Variants in TC2N observed in about 807,000 individuals in gnomAD.
The protein encoded by TC2N is tandem C2 domains nuclear protein.
Under a neutral mutation model 61.9 loss-of-function variants are expected in TC2N, and 51 were observed. The ratio of observed to expected loss-of-function variants is 0.82; its 90% CI spans 0.66 to 1.04. TC2N has a LOEUF of 1.04. TC2N is among the 50% of genes least tolerant of loss of function. The probability of loss-of-function intolerance (pLI) is 0.00; values close to 1 mark genes in which losing one functional copy is unlikely to be tolerated. For synonymous variants in TC2N, 204 were observed against 192.6 expected (o/e 1.06, Z -0.49); for missense variants, 556 against 566.7 (o/e 0.98, Z 0.19).
At chr14:91,832,304 C>T (rs1417971839) in intron 1 of TC2N, among the ~76,000 whole-genome samples, 2 of 151,326 alleles carry the variant, frequency 1.3e-5, no homozygotes, top group Non-Finnish European at 2.9e-5. Flanking sequence ...ACAGGAGAAT[C>T]GCTTGAACCC....
intron 9 of TC2N, 133 bp from the exon 10 acceptor site, chr14:91,787,760 A>G: frequency 1.7e-6 from 1 of 586,496 alleles, no homozygotes; most frequent in Non-Finnish European, 3.0e-6. Flanking sequence ...ACTATAAGTT[A>G]CAAGACAAAG....
chr14:91,847,430 C>T (rs1379210691), intron 1 of TC2N, among the ~76,000 whole-genome samples: 1 of 152,162 alleles, frequency 6.6e-6, no homozygotes, highest in African/African-American at 2.4e-5. Context: ...TATGTGATGG[C>T]CAATGCTAGG....
intron 5 of TC2N, among the ~76,000 whole-genome samples, chr14:91,799,765 G>A (rs765051276): frequency 9.2e-5 from 14 of 151,968 alleles, no homozygotes; most frequent in Non-Finnish European, 1.8e-4. Context: ...GGAAATATGG[G>A]AATTTGTCTT....
intron 10 of TC2N, 25 bp downstream of exon 10, chr14:91,787,488 T>C: frequency 7.3e-7 from 1 of 1,366,460 alleles, no homozygotes; most frequent in Non-Finnish European, 1.0e-6. Flanking sequence ...CTGAAGATTC[T>C]ACTTTGAACC....
intron 1 of TC2N, among the ~76,000 whole-genome samples, chr14:91,855,395 C>T (rs1168169670): frequency 2.0e-5 from 3 of 152,176 alleles, no homozygotes; most frequent in African/African-American, 4.8e-5. Context: ...GGGGAGAATC[C>T]TTCCCTGCCT....
intron 1 of TC2N, among the ~76,000 whole-genome samples, chr14:91,824,372 C>T (rs528677256): frequency 1.3e-5 from 2 of 152,296 alleles, no homozygotes; most frequent in East Asian, 3.9e-4. Flanking sequence ...GCTGGTCTGA[C>T]ATAGTCTAGG....
chr14:91,809,338 A>C (rs1886662596), intron 3 of TC2N, among the ~76,000 whole-genome samples: 1 of 152,028 alleles, frequency 6.6e-6, no homozygotes, highest in Admixed American at 6.6e-5. Context: ...AACACAGGAG[A>C]TGGAGGCTGC....
intron 2 of TC2N, among the ~76,000 whole-genome samples, chr14:91,813,091 TAAAAAAG>T (rs1002359665): frequency 3.3e-5 from 5 of 151,656 alleles, no homozygotes; most frequent in Non-Finnish European, 5.9e-5. Context: ...TGTTTTAATG[TAAAAAAG>T]AAGGCTTCAT....
chr14:91,784,427 G>A (rs1885266066), intron 11 of TC2N, among the ~76,000 whole-genome samples: 1 of 152,082 alleles, frequency 6.6e-6, no homozygotes, highest in East Asian at 1.9e-4. Context: ...TGATATCAAT[G>A]TTTGAAAATT....
intron 5 of TC2N, among the ~76,000 whole-genome samples, chr14:91,799,524 G>C (rs926491563): frequency 2.6e-5 from 4 of 152,024 alleles, no homozygotes; most frequent in Admixed American, 1.3e-4. Flanking sequence ...AGAACTCTGA[G>C]GATGAAGCCT....
At chr14:91,846,205 C>T (rs1286773911) in intron 1 of TC2N, among the ~76,000 whole-genome samples, 1 of 152,162 alleles carries the variant, frequency 6.6e-6, no homozygotes, top group Non-Finnish European at 1.5e-5. Flanking sequence ...CATTGCTCTC[C>T]AACTGCCCTC....
chr14:91,817,441 C>T (rs1308439809), intron 1 of TC2N, among the ~76,000 whole-genome samples: 2 of 151,726 alleles, frequency 1.3e-5, no homozygotes, highest in Non-Finnish European at 2.9e-5. Context: ...AAAAGTTTAA[C>T]ATTTTTCTTA....
chr14:91,783,796 T>G (rs1885235395), intron 11 of TC2N, among the ~76,000 whole-genome samples: 1 of 152,154 alleles, frequency 6.6e-6, no homozygotes, highest in Non-Finnish European at 1.5e-5. Context: ...TATATTATTA[T>G]GAAGACAAGG....
chr14:91,829,326 A>C (rs534417007), intron 1 of TC2N, among the ~76,000 whole-genome samples: 2 of 151,122 alleles, frequency 1.3e-5, no homozygotes, highest in East Asian at 3.9e-4. Context: ...ATAATTCCTC[A>C]CTCTGATCAC....
Position 91,839,835 on chromosome 14 carries a change from A to G in TC2N, c.-56-26010T>C, listed in dbSNP as rs779106956. Among the ~76,000 whole-genome samples the G allele has an allele frequency of 1.4e-4, 22 of 152,330 alleles. No homozygotes were observed. The Middle Eastern group carries it at 0.01, about 71-fold the overall frequency. ...CCATGTAACAGGTGCAGTACTAGGC[A>G]CTTGCTTCAGAGAGGAAGTGACATT... On this transcript the variant is annotated intron_variant, in intron 1 of 11. Transcript: ENST00000435962.
At chr14:91,790,346 C>T (rs1487125727) in intron 9 of TC2N, among the ~76,000 whole-genome samples, 3 of 152,160 alleles carry the variant, frequency 2.0e-5, no homozygotes, top group Non-Finnish European at 4.4e-5. Context: ...GAAAGTACGG[C>T]TCTTTAGACA....
At chr14:91,844,742 C>A (rs1435879977) in intron 1 of TC2N, among the ~76,000 whole-genome samples, 1 of 121,920 alleles carries the variant, frequency 8.2e-6, no homozygotes. Context: ...GCCTGGGCGA[C>A]AGAGCGAGAC....
At chr14:91,797,926 G>T in intron 7 of TC2N, 25 bp from the exon 8 acceptor site, 2 of 1,362,680 alleles carry the variant, frequency 1.5e-6, no homozygotes, top group Non-Finnish European at 2.1e-6. Flanking sequence ...AATACAGTTT[G>T]AATTTTACAA....
intron 1 of TC2N, chr14:91,866,480 C>G (rs993207252): frequency 1.1e-4 from 17 of 152,192 alleles, no homozygotes; most frequent in Admixed American, 9.8e-4. Flanking sequence ...AATCACAAAA[C>G]TTCAGAATTA....
Sources: allele counts gnomAD v4.1 joint callset (sites outside exome capture counted in the v4.1 genomes callset), GRCh38; gene constraint gnomAD v4.1.1; transcripts MANE v1.5; gene names NCBI Gene and HGNC (gene_info 2026-07-23, HGNC 2026-07-21).